RBFOX1: variants seen among roughly 807,000 people sequenced by gnomAD.
The protein encoded by RBFOX1 is RNA binding fox-1 homolog 1.
In RBFOX1, 8 loss-of-function variants were observed where a neutral mutation model predicts 57.7. The observed-to-expected ratio is 0.14, with a 90% confidence interval of 0.08 to 0.25. The LOEUF (loss-of-function observed/expected upper bound fraction) is 0.25, where lower values mean the gene tolerates loss of function less well. Ranked by LOEUF, RBFOX1 falls within the 10% of genes least tolerant of loss-of-function variation. The pLI, the probability that RBFOX1 is intolerant of heterozygous loss-of-function variation, is 1.00. For synonymous variants in RBFOX1, 326 were observed against 222.4 expected, an observed-to-expected ratio of 1.47 and a Z score of -4.15; for missense variants, 611 against 548.5, an observed-to-expected ratio of 1.11 and a Z score of -1.14.
chr16:7,558,928 G>C (rs991781056), intron 5 of RBFOX1, among the ~76,000 whole-genome samples: 2 of 152,204 alleles, frequency 1.3e-5, no homozygotes, highest in African/African-American at 2.4e-5. Context: ...TATGCTAAAT[G>C]AACCCCACTG....
intron 1 of RBFOX1, among the ~76,000 whole-genome samples, chr16:6,030,017 G>T (rs2095266004): frequency 6.6e-6 from 1 of 152,160 alleles, no homozygotes; most frequent in Non-Finnish European, 1.5e-5. Flanking sequence ...GGACTCAAGT[G>T]ATCCCACCTC....
At chr16:6,302,086 T>TC (rs2078887801) in intron 1 of RBFOX1, among the ~76,000 whole-genome samples, 1 of 152,132 alleles carries the variant, frequency 6.6e-6, no homozygotes, top group Non-Finnish European at 1.5e-5. Flanking sequence ...TCTCAAAACT[T>TC]CCTACATGTC....
At chr16:6,018,566 G>C (rs1428434492), upstream of RBFOX1, among the ~76,000 whole-genome samples, 1 of 152,150 alleles carries the variant, frequency 6.6e-6, no homozygotes, top group East Asian at 1.9e-4. Context: ...CGGGGTGGGG[G>C]CGTCCCAGGC....
chr16:6,032,125 A>T (rs909951779), intron 1 of RBFOX1, among the ~76,000 whole-genome samples: 2 of 151,848 alleles, frequency 1.3e-5, no homozygotes, highest in Non-Finnish European at 2.9e-5. Context: ...GTTTTTAGAC[A>T]TCCTCCTCTT....
intron 3 of RBFOX1, among the ~76,000 whole-genome samples, chr16:6,750,890 A>C (rs72766707): frequency 0.24 from 36,298 of 152,132 alleles, 4,523 homozygotes; most frequent in Middle Eastern, 0.28. Flanking sequence ...TAGAAGATAC[A>C]GTAGTGTTTT....
chr16:6,335,780 AAAAAAAAAAAG>A (rs1373838667), intron 2 of RBFOX1, among the ~76,000 whole-genome samples: 3 of 149,224 alleles, frequency 2.0e-5, no homozygotes, highest in Non-Finnish European at 3.0e-5. Context: ...TGTCTCCAAA[AAAAAAAAAAAG>A]AAAAAAAAAA....
chr16:6,958,809 C>G (rs2082364019), intron 3 of RBFOX1, among the ~76,000 whole-genome samples: 1 of 152,078 alleles, frequency 6.6e-6, no homozygotes, highest in East Asian at 1.9e-4. Flanking sequence ...GAAATCGTGT[C>G]ATTATGGAGA....
At chr16:6,786,512 G>C (rs1009510046) in intron 3 of RBFOX1, among the ~76,000 whole-genome samples, 4 of 152,096 alleles carry the variant, frequency 2.6e-5, no homozygotes, top group African/African-American at 9.7e-5. Flanking sequence ...CTGTAGCTGT[G>C]AACATTTCAG....
At chr16:6,618,568 T>A (rs1038565968) in intron 2 of RBFOX1, among the ~76,000 whole-genome samples, 1 of 152,212 alleles carries the variant, frequency 6.6e-6, no homozygotes, top group African/African-American at 2.4e-5. Flanking sequence ...AATGCTGACA[T>A]GATACTCGTT....
At chr16:6,972,077 A>G (rs2085680346) in intron 3 of RBFOX1, among the ~76,000 whole-genome samples, 1 of 152,198 alleles carries the variant, frequency 6.6e-6, no homozygotes, top group African/African-American at 2.4e-5. Flanking sequence ...GAGATATATT[A>G]CAGCATTTTT....
chr16:5,708,951 G>A (rs537756971), intron 3 of RBFOX1, among the ~76,000 whole-genome samples: 1 of 152,310 alleles, frequency 6.6e-6, no homozygotes, highest in Non-Finnish European at 1.5e-5. Context: ...ACAAGAAAGA[G>A]AGCAAGAGAG....
intron 3 of RBFOX1, among the ~76,000 whole-genome samples, chr16:6,961,643 C>G (rs1192330705): frequency 6.6e-6 from 1 of 152,226 alleles, no homozygotes; most frequent in South Asian, 2.1e-4. Flanking sequence ...ATATGCTAAA[C>G]AAGGGGTGAA....
At chr16:6,427,977 C>T (rs778408160) in intron 2 of RBFOX1, among the ~76,000 whole-genome samples, 5 of 152,142 alleles carry the variant, frequency 3.3e-5, no homozygotes, top group Non-Finnish European at 5.9e-5. Context: ...TGCATGAAAG[C>T]ACTTAGAAAT....
chr16:6,366,085 A>ATGTGTG (rs71145219), intron 2 of RBFOX1, among the ~76,000 whole-genome samples: 2,144 of 144,360 alleles, frequency 0.015, 59 homozygotes, highest in African/African-American at 0.05. Context: ...TGGCCATTCT[A>ATGTGTG]TGTGTGTGTG....
intron 1 of RBFOX1, among the ~76,000 whole-genome samples, chr16:5,282,210 C>G (rs1364992139): frequency 1.2e-4 from 19 of 152,240 alleles, no homozygotes; most frequent in Non-Finnish European, 1.5e-5. Flanking sequence ...TGACTTGCCT[C>G]TCCTTGACTT....
rs761454814 is a variant in RBFOX1, at chr16:5,947,979, C to T, written c.351+80644C>T. Among the ~76,000 whole-genome samples the T allele has an allele frequency of 9.2e-5, 14 of 152,260 alleles. No homozygotes were observed. The highest frequency in any genetic ancestry group is 3.9e-4 in the Admixed American group (6 of 15,302). On this transcript the variant is annotated intron_variant, in intron 4 of 19. Coordinates refer to the RBFOX1 transcript ENST00000641259. The surrounding 1 kb of genome is among the most constrained non-coding windows in gnomAD (Gnocchi z 7.2). Reference sequence around the variant, plus strand: ...ATTCTTGATTGAATTCCCTTTTGACCGTGGCGCTGAGGACATATGTTCATA... The same window carrying T: ...ATTCTTGATTGAATTCCCTTTTGACTGTGGCGCTGAGGACATATGTTCATA...
intron 4 of RBFOX1, among the ~76,000 whole-genome samples, chr16:7,076,620 C>G (rs896247823): frequency 6.6e-6 from 1 of 152,132 alleles, no homozygotes; most frequent in Non-Finnish European, 1.5e-5. Context: ...TTTATTTTTG[C>G]ACATGAAATT....
intron 2 of RBFOX1, among the ~76,000 whole-genome samples, chr16:6,485,636 A>G (rs2095462285): frequency 6.6e-6 from 1 of 152,184 alleles, no homozygotes; most frequent in Non-Finnish European, 1.5e-5. Context: ...GTGAATATTC[A>G]AACTTTTTTA....
At chr16:7,258,465 C>A (rs1362053841) in intron 4 of RBFOX1, among the ~76,000 whole-genome samples, 1 of 152,056 alleles carries the variant, frequency 6.6e-6, no homozygotes, top group Non-Finnish European at 1.5e-5. Context: ...TTCTCCTAAA[C>A]CCTCTCTCTC....
Sources: allele counts gnomAD v4.1 joint callset (sites outside exome capture counted in the v4.1 genomes callset), GRCh38; gene constraint gnomAD v4.1.1; non-coding constraint Gnocchi (gnomAD v3.1); transcripts MANE v1.5; gene names NCBI Gene and HGNC (gene_info 2026-07-23, HGNC 2026-07-21).